DMD: variants seen among roughly 807,000 people sequenced by gnomAD.
DMD encodes mutant dystrophin.
A neutral mutation model predicts 330.1 loss-of-function variants in DMD; 63 were observed. That is an observed-to-expected ratio of 0.19 (90% CI 0.16 to 0.24). The LOEUF is 0.24. Ranked by LOEUF, DMD falls within the 10% of genes least tolerant of loss-of-function variation. The pLI is 1.00. For missense variants in DMD, 3,344 were observed against 2,684.1 expected (o/e 1.25, Z -5.43); for synonymous variants, 1,223 against 959.8 (o/e 1.27, Z -5.07).
At chrX:32,857,806 G>A (rs1015303636) in intron 2 of DMD, among the ~76,000 whole-genome samples, 24 of 111,383 alleles carry the variant, frequency 2.2e-4, no homozygotes, top group African/African-American at 6.9e-4. Context: ...ACTACGTTTG[G>A]GTTTGGAGAC....
At chrX:32,021,741 G>T (rs2095807365) in intron 44 of DMD, among the ~76,000 whole-genome samples, 1 of 111,567 alleles carries the variant, frequency 9.0e-6, no homozygotes, top group South Asian at 3.7e-4. Flanking sequence ...TTGTGATTTG[G>T]ATATACTAGG....
intron 7 of DMD, among the ~76,000 whole-genome samples, chrX:32,763,708 A>G (rs915239637): frequency 1.8e-5 from 2 of 112,122 alleles, no homozygotes; most frequent in Non-Finnish European, 3.8e-5. Flanking sequence ...GTCTACCTTG[A>G]TATCTTTCAG....
chrX:32,070,558 G>T (rs182449969), intron 44 of DMD, among the ~76,000 whole-genome samples: 1 of 110,635 alleles, frequency 9.0e-6, no homozygotes, highest in East Asian at 2.9e-4. Context: ...CCCATCAATC[G>T]ACAAGTAGAT....
At chrX:31,139,586 TAAGTA>T (rs2035784808) in intron 76 of DMD, among the ~76,000 whole-genome samples, 1 of 109,894 alleles carries the variant, frequency 9.1e-6, no homozygotes, top group South Asian at 4.0e-4. Flanking sequence ...ACCATTACTC[TAAGTA>T]AAGTAACTCA....
chrX:33,294,003 T>A (rs1451407325), intron 1 of DMD, among the ~76,000 whole-genome samples: 1 of 111,346 alleles, frequency 9.0e-6, no homozygotes, highest in Non-Finnish European at 1.9e-5. Flanking sequence ...GACGTGGTGA[T>A]AAGCCACAGC....
At chrX:32,999,177 T>A (rs1368358870) in intron 2 of DMD, among the ~76,000 whole-genome samples, 2 of 112,765 alleles carry the variant, frequency 1.8e-5, no homozygotes, top group Admixed American at 1.9e-4. Flanking sequence ...GAAAAAATGT[T>A]AGCTTTGAAG....
At chrX:31,947,979 C>T (rs2095110667) in intron 45 of DMD, among the ~76,000 whole-genome samples, 1 of 110,948 alleles carries the variant, frequency 9.0e-6, no homozygotes, top group Non-Finnish European at 1.9e-5. Flanking sequence ...AACTTATTTA[C>T]ATTATATAAC....
intron 63 of DMD, among the ~76,000 whole-genome samples, chrX:31,246,713 G>T (rs113923588): frequency 0.021 from 2,307 of 111,620 alleles, 62 homozygotes; most frequent in African/African-American, 0.07. Context: ...AGATCACGAG[G>T]TCAGGAGTTG....
chrX:33,176,050 G>GC (rs760653398), intron 1 of DMD, among the ~76,000 whole-genome samples: 3 of 111,315 alleles, frequency 2.7e-5, no homozygotes, highest in South Asian at 7.6e-4. Flanking sequence ...ACCGGCATGA[G>GC]CTATATCGTG....
intron 37 of DMD, among the ~76,000 whole-genome samples, chrX:32,352,803 T>C (rs1218725969): frequency 9.0e-6 from 1 of 110,768 alleles, no homozygotes; most frequent in East Asian, 2.8e-4. Context: ...GATTGACCTG[T>C]TATTTCAGGA....
intron 51 of DMD, among the ~76,000 whole-genome samples, chrX:31,734,873 G>A (rs970760521): frequency 6.3e-5 from 7 of 111,740 alleles, no homozygotes; most frequent in Non-Finnish European, 1.3e-4. Context: ...GTAGTCCTCA[G>A]CTTTTCTTTA....
chrX:32,802,933 T>A (rs904355951), intron 7 of DMD, among the ~76,000 whole-genome samples: 18 of 111,821 alleles, frequency 1.6e-4, no homozygotes, highest in Non-Finnish European at 1.5e-4. Flanking sequence ...TGAAATTTTT[T>A]TTATTGTGTC....
chrX:31,862,185 G>A (rs2093718834), intron 48 of DMD, among the ~76,000 whole-genome samples: 1 of 111,067 alleles, frequency 9.0e-6, no homozygotes, highest in Non-Finnish European at 1.9e-5. Flanking sequence ...CCAGGCTAGA[G>A]TGCAGTGGTG....
intron 55 of DMD, among the ~76,000 whole-genome samples, chrX:31,526,873 G>A (rs989673798): frequency 4.5e-5 from 5 of 112,338 alleles, no homozygotes; most frequent in Non-Finnish European, 9.4e-5. Flanking sequence ...ACGTTGTCAG[G>A]CCAAGGTGGG....
intron 7 of DMD, among the ~76,000 whole-genome samples, chrX:32,725,528 C>A (rs1239302169): frequency 4.5e-5 from 5 of 110,058 alleles, no homozygotes; most frequent in Admixed American, 2.9e-4. Flanking sequence ...AAGACAAAAA[C>A]AAAGAGTCAA....
chrX:32,205,011 A>T (rs867063464), intron 44 of DMD, among the ~76,000 whole-genome samples: 51 of 7,081 alleles, frequency 7.2e-3, no homozygotes, highest in Non-Finnish European at 0.014. Flanking sequence ...TCTCTCACAT[A>T]CACACACACA....
chrX:32,722,350 A>G (rs1005218274), intron 7 of DMD, among the ~76,000 whole-genome samples: 4 of 111,126 alleles, frequency 3.6e-5, no homozygotes, highest in Non-Finnish European at 7.6e-5. Flanking sequence ...CTATTTCTAT[A>G]GCATTTACAT....
intron 47 of DMD, among the ~76,000 whole-genome samples, chrX:31,889,837 T>G (rs1385419163): frequency 9.1e-6 from 1 of 110,363 alleles, no homozygotes; most frequent in Non-Finnish European, 1.9e-5. Context: ...TTGATCTTAT[T>G]TGCTTGAAGG....
At chrX:31,575,036 G>GA (rs1434851766) in intron 55 of DMD, among the ~76,000 whole-genome samples, 1 of 111,486 alleles carries the variant, frequency 9.0e-6, no homozygotes, top group East Asian at 2.8e-4. Flanking sequence ...CAGAATGAAA[G>GA]ATTCCTGAGG....
Sources: gnomAD v4.1 joint callset for allele counts (sites outside exome capture counted in the v4.1 genomes callset) on GRCh38, gnomAD v4.1.1 for gene constraint, MANE v1.5 for transcripts, NCBI Gene and HGNC (gene_info 2026-07-23, HGNC 2026-07-21) for gene names.